SNX14: variants seen among roughly 807,000 people sequenced by gnomAD.
SNX14 encodes sorting nexin-14.
In SNX14, 93 loss-of-function variants were observed where a neutral mutation model predicts 133.8. The ratio of observed to expected loss-of-function variants is 0.70; its 90% CI spans 0.59 to 0.83. The LOEUF (loss-of-function observed/expected upper bound fraction) is 0.83. SNX14 is among the 40% of genes least tolerant of loss of function. The pLI, the probability that SNX14 is intolerant of heterozygous loss-of-function variation, is 0.00. For synonymous variants in SNX14, 368 were observed against 365.6 expected (o/e 1.01, Z -0.07); for missense variants, 945 against 1,094.9 (o/e 0.86, Z 1.93).
At position 85,547,613 on chromosome 6, in the gene SNX14, C is replaced by T; in HGVS notation, c.868-63G>A. 2.3e-6 allele frequency: 3 copies of T among 1,324,472 alleles called. No homozygotes were observed. In the South Asian group the frequency reaches 4.3e-5, roughly 19 times the overall value. The allele number at this position is 1,324,472 out of a possible 1,614,324, so 82.0% of individuals were successfully genotyped here. On this transcript the variant is annotated intron_variant, in intron 9 of 28. Coordinates refer to ENST00000314673, the MANE Select transcript of SNX14 (RefSeq NM_153816.6). ...ACTACTGTATTCTCCCCAGAATTCT[C>T]ATAACTTGTATCATATTATGTAAGT...
rs571271355 is a variant in SNX14, at chr6:85,545,769, C to T, written c.1108+1343G>A. ...CATGATCTCGGCTCACTGCAACCTC[C>T]ACCTCTCAAGTTCAAACAATTCTCC... On this transcript the variant is annotated intron_variant, in intron 12 of 28. Coordinates refer to ENST00000314673, the MANE Select transcript of SNX14 (RefSeq NM_153816.6). Among the ~76,000 whole-genome samples the T allele has an allele frequency of 2.7e-4, 41 of 152,256 alleles. No individual in the cohort carries two copies. In the East Asian group the frequency reaches 5.8e-3, roughly 22 times the overall value.
chr6:85,559,176 T>G (rs1165217830), intron 6 of SNX14, among the ~76,000 whole-genome samples: 1 of 152,064 alleles, frequency 6.6e-6, no homozygotes, highest in Non-Finnish European at 1.5e-5. Flanking sequence ...CCCCCAAATT[T>G]TAATGATTTG....
Position 85,517,762 on chromosome 6 carries a change from G to A in SNX14, c.2262C>T (p.Asn754=). 1 of 1,596,638 alleles carries A rather than the reference G, an allele frequency of 6.3e-7. No homozygotes were observed. The highest frequency in any genetic ancestry group is 1.7e-4 in the Middle Eastern group (1 of 5,962). ...TTAATGCAATGTGCAGTACCTTCTT[G>A]TTGTTTTCTGAAGTAGGGCTGAGAA... ...LTILSPTSEN[N]KKLFNDLFKN... The change falls in exon 23 of 29, where the codon AAC becomes AAT. Residue 754 remains asparagine (N), a synonymous_variant. Coordinates refer to ENST00000314673, the MANE Select transcript of SNX14 (RefSeq NM_153816.6).
intron 21 of SNX14, among the ~76,000 whole-genome samples, chr6:85,518,579 T>C (rs1246286478): frequency 3.3e-5 from 5 of 152,182 alleles, no homozygotes; most frequent in African/African-American, 4.8e-5. Flanking sequence ...TTCCCTTAAT[T>C]TGAAACATCA....
intron 21 of SNX14, among the ~76,000 whole-genome samples, chr6:85,521,024 T>C (rs1478975140): frequency 2.6e-5 from 4 of 152,234 alleles, no homozygotes; most frequent in Non-Finnish European, 5.9e-5. Context: ...AAGTAGTTTT[T>C]CAATTTATAG....
At chr6:85,545,929 T>C (rs1217857068) in intron 12 of SNX14, among the ~76,000 whole-genome samples, 2 of 152,226 alleles carry the variant, frequency 1.3e-5, no homozygotes, top group Non-Finnish European at 2.9e-5. Context: ...GTGATCCACC[T>C]GCCTCGGCCT....
At chr6:85,539,934 C>T (rs559561955) in intron 15 of SNX14, among the ~76,000 whole-genome samples, 2 of 64,850 alleles carry the variant, frequency 3.1e-5, no homozygotes, top group South Asian at 1.0e-3. Flanking sequence ...ACGAAGCAAG[C>T]TTTTTATTTT....
chr6:85,586,164 A>T (rs1327039099), intron 1 of SNX14, among the ~76,000 whole-genome samples: 1 of 152,210 alleles, frequency 6.6e-6, no homozygotes, highest in East Asian at 1.9e-4. Flanking sequence ...GGAGAAAAAA[A>T]TGGTGAGGAG....
chr6:85,546,621 T>A (rs1785584100), intron 12 of SNX14, among the ~76,000 whole-genome samples: 1 of 152,042 alleles, frequency 6.6e-6, no homozygotes, highest in Non-Finnish European at 1.5e-5. Context: ...TATTTCCCAA[T>A]CTGGAAAGAA....
chr6:85,522,442 G>C (rs1454927059), intron 21 of SNX14, among the ~76,000 whole-genome samples: 1 of 152,206 alleles, frequency 6.6e-6, no homozygotes, highest in Non-Finnish European at 1.5e-5. Context: ...GATTGGGACT[G>C]TATTATAGCT....
intron 7 of SNX14, among the ~76,000 whole-genome samples, chr6:85,550,837 G>A (rs760322410): frequency 2.6e-4 from 40 of 151,412 alleles, no homozygotes; most frequent in Non-Finnish European, 4.7e-4. Context: ...AGGCTGGAAC[G>A]CAATGGCATG....
chr6:85,559,223 C>T lies in SNX14; in HGVS notation c.550-1163G>A, dbSNP rs369988647. ...CAGATCAAACATGTTCAGTAAGAGG[C>T]GATATTTTTGCTAGTATTATACCTC... is the stretch of plus-strand genomic sequence containing the variant. On this transcript the variant is annotated intron_variant, in intron 6 of 28. Coordinates refer to ENST00000314673, the MANE Select transcript of SNX14 (RefSeq NM_153816.6). Among the ~76,000 whole-genome samples the T allele has an allele frequency of 5.3e-5, 8 of 151,950 alleles. No individual in the cohort carries two copies. In the East Asian group the frequency reaches 5.8e-4, roughly 11 times the overall value.
At chr6:85,581,087 T>C (rs1351476305) in intron 1 of SNX14, 1 of 152,236 alleles carries the variant, frequency 6.6e-6, no homozygotes, top group East Asian at 1.9e-4. Flanking sequence ...CTACTCCTGG[T>C]GGCCAAAGGG....
Position 85,586,620 on chromosome 6 carries a change from A to G in SNX14, c.140+6959T>C, listed in dbSNP as rs984932902. On this transcript the variant is annotated intron_variant, in intron 1 of 28. Transcript: ENST00000314673. ...TATAGAGACATGGTCTTGCACTGTC[A>G]CCCAGGCTGGAGTGTCGGGGCACAA... Among the ~76,000 whole-genome samples, 7 of 152,182 alleles carry G rather than the reference A, an allele frequency of 4.6e-5. No individual in the cohort carries two copies. In the South Asian group the frequency reaches 1.5e-3, roughly 32 times the overall value.
At chr6:85,524,346 A>G (rs540994890) in intron 21 of SNX14, among the ~76,000 whole-genome samples, 2 of 152,296 alleles carry the variant, frequency 1.3e-5, no homozygotes, top group East Asian at 3.9e-4. Flanking sequence ...AGGATTGTGT[A>G]GGATGAAAAT....
intron 20 of SNX14, among the ~76,000 whole-genome samples, chr6:85,526,522 T>G (rs748957436): frequency 4.9e-4 from 75 of 152,058 alleles, no homozygotes; most frequent in Non-Finnish European, 8.5e-4. Context: ...ACTTATAAAA[T>G]GAGAATAATG....
intron 28 of SNX14, 97 bp from the exon 29 acceptor site, chr6:85,506,102 A>T: frequency 1.3e-6 from 1 of 786,542 alleles, no homozygotes; most frequent in Non-Finnish European, 2.2e-6. Flanking sequence ...AACCTAAGAC[A>T]TATATATTGT....
chr6:85,521,026 A>C (rs2127900373), intron 21 of SNX14, among the ~76,000 whole-genome samples: 1 of 152,320 alleles, frequency 6.6e-6, no homozygotes. Flanking sequence ...GTAGTTTTTC[A>C]ATTTATAGTC....
At chr6:85,580,980 T>C (rs151186998) in intron 1 of SNX14, among the ~76,000 whole-genome samples, 148 of 152,246 alleles carry the variant, frequency 9.7e-4, no homozygotes, top group African/African-American at 3.5e-3. Context: ...CTGCTGATTA[T>C]AGAGCCCTAA....
Sources: allele counts gnomAD v4.1 joint callset (sites outside exome capture counted in the v4.1 genomes callset), GRCh38; gene constraint gnomAD v4.1.1; transcripts MANE v1.5; gene names NCBI Gene and HGNC (gene_info 2026-07-23, HGNC 2026-07-21).